Variants in DTNB observed in about 807,000 individuals in gnomAD.
DTNB encodes DTN-B.
Under a neutral mutation model 90.7 loss-of-function variants are expected in DTNB, and 63 were observed. That is an observed-to-expected ratio of 0.69 (90% CI 0.57 to 0.86). The LOEUF is 0.86. DTNB is among the 40% of genes least tolerant of loss of function. DTNB has a pLI of 0.00. For synonymous variants in DTNB, 277 were observed against 286.7 expected (o/e 0.97, Z 0.34); for missense variants, 744 against 807.1 (o/e 0.92, Z 0.95).
intron 8 of DTNB, among the ~76,000 whole-genome samples, chr2:25,564,547 A>ATT (rs58031038): frequency 2.7e-5 from 4 of 147,082 alleles, no homozygotes; most frequent in Non-Finnish European, 4.5e-5. Flanking sequence ...CACCTGGCTA[A>ATT]TTTTTTTTTT....
chr2:25,609,466 C>T (rs1466535259), intron 4 of DTNB, among the ~76,000 whole-genome samples: 5 of 151,866 alleles, frequency 3.3e-5, no homozygotes, highest in African/African-American at 9.7e-5. Context: ...GGTGTGGTGG[C>T]GCATGCCTGT....
intron 12 of DTNB, among the ~76,000 whole-genome samples, chr2:25,447,994 G>C (rs1574594134): frequency 1.3e-5 from 2 of 152,074 alleles, no homozygotes; most frequent in Admixed American, 1.3e-4. Flanking sequence ...AGTAGCTCTT[G>C]GCCTGCTTTG....
chr2:25,580,676 T>C (rs1158591395), intron 7 of DTNB, 45 bp downstream of exon 7: 2 of 1,520,702 alleles, frequency 1.3e-6, no homozygotes, highest in Non-Finnish European at 9.1e-7. Flanking sequence ...TCAGTTCCTA[T>C]ACTTTCTATA....
At chr2:25,618,413 T>C (rs1438650583) in intron 4 of DTNB, among the ~76,000 whole-genome samples, 2 of 152,210 alleles carry the variant, frequency 1.3e-5, no homozygotes, top group Non-Finnish European at 2.9e-5. Context: ...ACTGAATAAT[T>C]AGCTGCCAGT....
rs2061127696 is a variant in DTNB at position 25,462,529 on chromosome 2, A to T, written c.1080-7035T>A. ...TCTATGCTTAGTCCCCTCATCTGTA[A>T]AATAATAATAATATAAAATCTACCT... On this transcript the variant is annotated intron_variant, in intron 10 of 20. Transcript: ENST00000406818. Among the ~76,000 whole-genome samples the T allele has an allele frequency of 2.0e-5, 3 of 152,292 alleles. No homozygotes were observed. In the South Asian group the frequency reaches 6.2e-4, roughly 32 times the overall value.
chr2:25,624,841 G>A (rs1277931178), intron 4 of DTNB, among the ~76,000 whole-genome samples: 1 of 152,162 alleles, frequency 6.6e-6, no homozygotes, highest in African/African-American at 2.4e-5. Context: ...GAGAAACTGA[G>A]AGGAAAAAAA....
intron 6 of DTNB, among the ~76,000 whole-genome samples, chr2:25,586,122 C>T (rs930137218): frequency 6.6e-6 from 1 of 151,964 alleles, no homozygotes; most frequent in African/African-American, 2.4e-5. Context: ...TCAGTGAAAA[C>T]GAGGATGCAA....
intron 10 of DTNB, 63 bp from the exon 11 acceptor site, chr2:25,455,557 C>A: frequency 7.2e-7 from 1 of 1,393,598 alleles, no homozygotes. Context: ...GAGAAATGAA[C>A]ATGGATTAAA....
chr2:25,649,157 A>G (rs1404946520), intron 2 of DTNB, among the ~76,000 whole-genome samples: 1 of 152,046 alleles, frequency 6.6e-6, no homozygotes. Flanking sequence ...GGTGCCTGCC[A>G]GCACGCCCAG....
chr2:25,477,734 A>G (rs2064017055), intron 10 of DTNB, among the ~76,000 whole-genome samples: 1 of 152,212 alleles, frequency 6.6e-6, no homozygotes, highest in Non-Finnish European at 1.5e-5. Context: ...GATATAATAC[A>G]TAACACAGTT....
chr2:25,673,090 C>A (rs1278278743), intron 1 of DTNB: 2 of 152,106 alleles, frequency 1.3e-5, no homozygotes, highest in Non-Finnish European at 2.9e-5. Context: ...GCGCCGGGCC[C>A]CCGCTCGCGC....
At chr2:25,661,116 G>A (rs1276085564) in intron 1 of DTNB, among the ~76,000 whole-genome samples, 1 of 152,166 alleles carries the variant, frequency 6.6e-6, no homozygotes, top group Admixed American at 6.5e-5. Context: ...GCCTGTTTAT[G>A]TCTTTTGCAA....
intron 2 of DTNB, among the ~76,000 whole-genome samples, chr2:25,643,715 G>A (rs769299733): frequency 2.0e-5 from 3 of 152,166 alleles, no homozygotes; most frequent in Non-Finnish European, 4.4e-5. Context: ...GTTCCAGGAA[G>A]CCATGGGTTT....
chr2:25,567,145 T>C (rs1469448367), intron 8 of DTNB, among the ~76,000 whole-genome samples: 2 of 152,226 alleles, frequency 1.3e-5, no homozygotes, highest in African/African-American at 4.8e-5. Context: ...AGTGGGGATA[T>C]TGTCTTATAA....
At chr2:25,404,592 C>T (rs1214638405) in intron 16 of DTNB, among the ~76,000 whole-genome samples, 1 of 152,148 alleles carries the variant, frequency 6.6e-6, no homozygotes, top group Admixed American at 6.5e-5. Context: ...CGGTGGGTCA[C>T]ACCTGTAATC....
chr2:25,535,925 G>A (rs1466724000), intron 8 of DTNB, among the ~76,000 whole-genome samples: 1 of 141,416 alleles, frequency 7.1e-6, no homozygotes, highest in Non-Finnish European at 1.5e-5. Flanking sequence ...GGACAGCCAG[G>A]CAGAGGCGCT....
At chr2:25,528,853 T>C (rs1459599543) in intron 9 of DTNB, among the ~76,000 whole-genome samples, 1 of 152,210 alleles carries the variant, frequency 6.6e-6, no homozygotes, top group Non-Finnish European at 1.5e-5. Flanking sequence ...ATAAAGACTT[T>C]CCTGGGGAAC....
In DTNB at chr2:25,616,931, C is replaced by CA. The variant is rs70947896; in HGVS notation, c.363-9611dup. 9.5e-4 allele frequency among the ~76,000 whole-genome samples: 67 copies of CA among 70,548 alleles called. 1 individual carries two copies. Among genetic ancestry groups the CA allele is most frequent in the African/African-American group, 3.7e-3 (58 of 15,492 alleles). 46.3% of individuals were successfully genotyped at this position (70,548 alleles called of 152,430 possible). On this transcript the variant is annotated intron_variant, in intron 4 of 20. Transcript: ENST00000406818. ...TGGGCGACAGAGCAAGACCCCGTCT[C>CA]AAAAAAAAAAAAAAAAAAAAAGGAA...
chr2:25,645,212 G>A (rs560113326), intron 2 of DTNB, among the ~76,000 whole-genome samples: 11 of 115,614 alleles, frequency 9.5e-5, no homozygotes, highest in Non-Finnish European at 2.3e-4. Context: ...GCAAAACCCC[G>A]TCACTACTAG....
Sources: allele counts gnomAD v4.1 joint callset (sites outside exome capture counted in the v4.1 genomes callset), GRCh38; gene constraint gnomAD v4.1.1; transcripts MANE v1.5; gene names NCBI Gene and HGNC (gene_info 2026-07-23, HGNC 2026-07-21).